Variants in ZNF892 observed in about 807,000 individuals in gnomAD.
ZNF892 encodes zinc finger protein 570-like.
chr2:95,219,249 G>A, the ZNF892 span, among the ~76,000 whole-genome samples: 2 of 150,748 alleles, frequency 1.3e-5, no homozygotes, highest in Admixed American at 6.6e-5. Context: ...CTCATGATCC[G>A]CCCGCTTCGG....
the ZNF892 span, among the ~76,000 whole-genome samples, chr2:95,216,783 T>C: frequency 9.2e-5 from 14 of 152,214 alleles, no homozygotes; most frequent in Admixed American, 5.9e-4. Flanking sequence ...TTATGTCTTT[T>C]GCCAAATTTG....
chr2:95,243,917 A>G, the ZNF892 span, among the ~76,000 whole-genome samples: 1 of 152,226 alleles, frequency 6.6e-6, no homozygotes, highest in African/African-American at 2.4e-5. Flanking sequence ...AAGGTGGGGA[A>G]AAGATTGAGA....
the ZNF892 span, chr2:95,211,680 G>A: frequency 2.5e-6 from 1 of 398,600 alleles, no homozygotes. Context: ...ACTCTCCTCA[G>A]GGAGATGTGC....
chr2:95,216,704 A>G, the ZNF892 span, among the ~76,000 whole-genome samples: 2 of 152,096 alleles, frequency 1.3e-5, no homozygotes, highest in Admixed American at 1.3e-4. Flanking sequence ...TTATACTATG[A>G]TGTATCTTGG....
the ZNF892 span, among the ~76,000 whole-genome samples, chr2:95,243,957 A>G: frequency 7.9e-5 from 12 of 152,288 alleles, no homozygotes; most frequent in Middle Eastern, 6.8e-3. Flanking sequence ...CTCTGTAGAA[A>G]GAGGTAGACA....
the ZNF892 span, chr2:95,214,517 G>T: frequency 2.5e-6 from 1 of 398,534 alleles, no homozygotes; most frequent in Non-Finnish European, 4.4e-6. Context: ...CTGTCACTGA[G>T]AAATCTTCTA....
chr2:95,226,592 G>A, the ZNF892 span, among the ~76,000 whole-genome samples: 4 of 152,152 alleles, frequency 2.6e-5, no homozygotes, highest in African/African-American at 9.7e-5. Context: ...GTGTTGTGGG[G>A]TGTTTCTCTG....
chr2:95,209,880 G>C, the ZNF892 span, among the ~76,000 whole-genome samples: 1 of 152,118 alleles, frequency 6.6e-6, no homozygotes, highest in African/African-American at 2.4e-5. Flanking sequence ...ATGACCTTAA[G>C]GGGCCATAAA....
At chr2:95,224,208 T>C in the ZNF892 span, among the ~76,000 whole-genome samples, 1 of 152,212 alleles carries the variant, frequency 6.6e-6, no homozygotes, top group Non-Finnish European at 1.5e-5. Context: ...CTAAGGTAAC[T>C]CCTAACTCCT....
At chr2:95,256,234 G>T in the ZNF892 span, among the ~76,000 whole-genome samples, 2 of 152,150 alleles carry the variant, frequency 1.3e-5, no homozygotes, top group South Asian at 4.1e-4. Context: ...CATGTTTAGT[G>T]CTTCCTTCAG....
the ZNF892 span, among the ~76,000 whole-genome samples, chr2:95,237,671 G>A: frequency 0.03 from 4,616 of 152,318 alleles, 91 homozygotes; most frequent in Middle Eastern, 0.065. Context: ...GTCCAAAGCC[G>A]AGACAGGCTG....
At chr2:95,242,062 TG>T in the ZNF892 span, among the ~76,000 whole-genome samples, 3 of 152,146 alleles carry the variant, frequency 2.0e-5, no homozygotes, top group Admixed American at 2.0e-4. Flanking sequence ...GGAACCAAGT[TG>T]GAAAACATAC....
the ZNF892 span, among the ~76,000 whole-genome samples, chr2:95,258,029 G>T: frequency 6.6e-5 from 10 of 152,196 alleles, no homozygotes; most frequent in Non-Finnish European, 1.3e-4. Context: ...GTGAGGTGAT[G>T]CCTCGCCCTG....
At chr2:95,212,330 T>C in the ZNF892 span, 1 of 398,204 alleles carries the variant, frequency 2.5e-6, no homozygotes, top group African/African-American at 2.1e-5. Context: ...TCAATGCAAA[T>C]GCTTGTGGAG....
chr2:95,226,498 C>T, the ZNF892 span, among the ~76,000 whole-genome samples: 3 of 152,188 alleles, frequency 2.0e-5, no homozygotes, highest in South Asian at 2.1e-4. Flanking sequence ...TACTTTGGTT[C>T]GACTTAGCTT....
chr2:95,242,813 G>GTCCCTC, the ZNF892 span, among the ~76,000 whole-genome samples: 17 of 152,036 alleles, frequency 1.1e-4, no homozygotes, highest in Non-Finnish European at 2.1e-4. Flanking sequence ...CAAACCTGGA[G>GTCCCTC]TCCCTCTCCC....
chr2:95,248,835 A>G, the ZNF892 span, among the ~76,000 whole-genome samples: 1 of 152,306 alleles, frequency 6.6e-6, no homozygotes, highest in South Asian at 2.1e-4. Context: ...ATTTTGGAAT[A>G]ACCGGTCATT....
At chr2:95,220,206 A>G in the ZNF892 span, among the ~76,000 whole-genome samples, 1 of 152,200 alleles carries the variant, frequency 6.6e-6, no homozygotes, top group African/African-American at 2.4e-5. Flanking sequence ...GGGTGGAAGT[A>G]TAGGCGTTTG....
chr2:95,230,760 A>G, the ZNF892 span, among the ~76,000 whole-genome samples: 838 of 152,318 alleles, frequency 5.5e-3, 7 homozygotes, highest in African/African-American at 0.019. Context: ...TTAGTGAGGA[A>G]TGACTATGTG....
Sources: gnomAD v4.1 joint callset for allele counts (sites outside exome capture counted in the v4.1 genomes callset) on GRCh38, gnomAD v4.1.1 for gene constraint, MANE v1.5 for transcripts, NCBI Gene and HGNC (gene_info 2026-07-23, HGNC 2026-07-21) for gene names.